GGA3: variants seen among roughly 807,000 people sequenced by gnomAD.
GGA3 encodes ADP-ribosylation factor-binding protein GGA3.
A neutral mutation model predicts 77.5 loss-of-function variants in GGA3; 57 were observed. The observed-to-expected ratio is 0.74, with a 90% CI of 0.59 to 0.92. GGA3 has a LOEUF of 0.92. Ranked by LOEUF, GGA3 falls within the 40% of genes least tolerant of loss-of-function variation. The probability of loss-of-function intolerance (pLI) is 0.00; values close to 1 mark genes in which losing one functional copy is unlikely to be tolerated. For missense variants in GGA3, 970 were observed against 914.9 expected (o/e 1.06, Z -0.78); for synonymous variants, 416 against 383.7 (o/e 1.08, Z -0.98).
intron 3 of GGA3, 34 bp from the exon 4 acceptor site, chr17:75,244,751 G>A (rs960100085): frequency 6.8e-7 from 1 of 1,470,276 alleles, no homozygotes. Flanking sequence ...GCTCAGTGAG[G>A]GCGTGCTCGG....
In GGA3 at chr17:75,239,476, G is replaced by A. The variant is rs746550253; in HGVS notation, c.1679C>T (p.Pro560Leu). 18 of 1,579,258 alleles carry A rather than the reference G, an allele frequency of 1.1e-5. No homozygotes were observed. Among genetic ancestry groups the A allele is most frequent in the Middle Eastern group, 1.7e-4 (1 of 5,934 alleles). The change falls in exon 14 of 17, where the codon CCG becomes CTG. Residue 560 changes from proline to leucine, a missense_variant. Pro to Leu is a moderately conservative substitution (Grantham distance 98, BLOSUM62 -3). Transcript: ENST00000537686. ...CTGGAAACTCAGTGGCTGGAAGAGC[G>A]GGCTGCCGGGCCCCGTGGAGAAGGG... is the stretch of plus-strand genomic sequence containing the variant. Reference protein sequence around the residue: ...LLPFSTGPGSPLFQPLSFQSQ... With the variant: ...LLPFSTGPGSLLFQPLSFQSQ...
chr17:75,248,986 C>T lies in GGA3; in HGVS notation c.41-2190G>A, dbSNP rs1363655129. On this transcript the variant is annotated intron_variant, in intron 1 of 16. Coordinates refer to ENST00000537686, the MANE Select transcript of GGA3 (RefSeq NM_138619.4). ...TGCTTCCCAGGTCGGGGCTCGGCCT[C>T]CCCGGCAGTGTTTCTGTTGTGGCTG... The T allele has an allele frequency of 5.1e-6, 5 of 985,130 alleles. No individual in the cohort carries two copies. The African/African-American group carries it at 8.7e-5, about 17-fold the overall frequency. 61.0% of individuals were successfully genotyped at this position (985,130 alleles called of 1,614,324 possible). A position where few individuals can be genotyped will look rare whatever the true frequency, so the allele number is the denominator to read the frequency against.
In GGA3 at chr17:75,246,760, C is replaced by G. The variant is rs1290420133; in HGVS notation, c.77G>C (p.Trp26Ser). ...ATNPSNRQED[W>S]EYIIGFCDQI... ...ATCACAGAAGCCAATTATGTATTCC[C>G]AGTCCTCCTGGCGGTTGGAAGGATT... Residue 26 changes from tryptophan to serine, a missense_variant, in exon 2 of 17, where the codon TGG (tryptophan) becomes TCG (serine). By Grantham distance (177) the Trp-to-Ser change is radical. Coordinates refer to ENST00000537686, the MANE Select transcript of GGA3 (RefSeq NM_138619.4). The G allele has an allele frequency of 1.9e-6, 3 of 1,613,706 alleles. No homozygotes were observed. The highest frequency in any genetic ancestry group is 2.5e-6 in the Non-Finnish European group (3 of 1,179,980).
At chr17:75,249,996 C>T (rs890300072) in intron 1 of GGA3, among the ~76,000 whole-genome samples, 2 of 152,176 alleles carry the variant, frequency 1.3e-5, no homozygotes, top group Non-Finnish European at 2.9e-5. Context: ...CTCACGGGCA[C>T]AAAAAGCCCT....
At chr17:75,242,296 C>T (rs763973390) in intron 8 of GGA3, 40 bp downstream of exon 8, 20 of 1,611,238 alleles carry the variant, frequency 1.2e-5, no homozygotes, top group Admixed American at 1.0e-4. Flanking sequence ...TGAAGGGCAG[C>T]GCAGCCCCGG....
intron 13 of GGA3, 87 bp from the exon 14 acceptor site, chr17:75,239,658 C>T: frequency 1.4e-6 from 2 of 1,444,910 alleles, no homozygotes; most frequent in Non-Finnish European, 1.9e-6. Context: ...ATGCTCTTAC[C>T]CAGGCCCACC....
At chr17:75,246,680 C>T in intron 2 of GGA3, 32 bp downstream of exon 2, 2 of 1,599,364 alleles carry the variant, frequency 1.3e-6, no homozygotes, top group Non-Finnish European at 1.7e-6. Flanking sequence ...AGTCCGCTCC[C>T]TCTCAGCTGC....
Position 75,252,359 on chromosome 17 carries a change from G to A in GGA3, c.41-5563C>T, listed in dbSNP as rs529210859. Among the ~76,000 whole-genome samples, 69 of 152,196 alleles carry A rather than the reference G, an allele frequency of 4.5e-4. 1 individual carries two copies. The highest frequency in any genetic ancestry group is 1.6e-3 in the African/African-American group (67 of 41,534). Reference sequence around the variant, plus strand: ...CCCACCTCAGCCTCCTGAGTAGCTGGGACCACAGGAATGAGCCACTGCATG... The same window carrying A: ...CCCACCTCAGCCTCCTGAGTAGCTGAGACCACAGGAATGAGCCACTGCATG... On this transcript the variant is annotated intron_variant, in intron 1 of 16. Transcript: ENST00000537686.
chr17:75,256,809 C>A (rs1017009140), intron 1 of GGA3, among the ~76,000 whole-genome samples: 1 of 152,110 alleles, frequency 6.6e-6, no homozygotes, highest in African/African-American at 2.4e-5. Flanking sequence ...TCAACATGCC[C>A]CGAGTCAGAT....
intron 1 of GGA3, among the ~76,000 whole-genome samples, chr17:75,253,438 C>G (rs1052278468): frequency 1.3e-5 from 2 of 152,184 alleles, no homozygotes; most frequent in South Asian, 2.1e-4. Context: ...TATTCACTCA[C>G]GTTTCAAAGG....
intron 5 of GGA3, 115 bp downstream of exon 5, chr17:75,243,332 G>T: frequency 7.3e-7 from 1 of 1,366,816 alleles, no homozygotes; most frequent in Non-Finnish European, 1.0e-6. Flanking sequence ...CCTTGCCTGG[G>T]GACAAATGCT....
At position 75,237,002 on chromosome 17, in the gene GGA3, T is replaced by TC. The variant is rs1568103363; in HGVS notation, c.*1276dup. On this transcript the variant is annotated 3_prime_UTR_variant, in exon 17 of 17. Coordinates refer to ENST00000537686, the MANE Select transcript of GGA3 (RefSeq NM_138619.4). Reference sequence around the variant, plus strand: ...GAACATGGTCTGTGCCACCTTCCTTTCCCCAGAGATGTCCGATTGCTGAGC... The same window carrying TC: ...GAACATGGTCTGTGCCACCTTCCTTTCCCCCAGAGATGTCCGATTGCTGAGC... 1 of 184,152 alleles carries TC rather than the reference T, an allele frequency of 5.4e-6. No homozygotes were observed. The highest frequency in any genetic ancestry group is 1.2e-5 in the Non-Finnish European group (1 of 86,084). 11.4% of individuals were successfully genotyped at this position (184,152 alleles called of 1,614,324 possible). A position where few individuals can be genotyped will look rare whatever the true frequency, so the allele number is the denominator to read the frequency against.
intron 1 of GGA3, among the ~76,000 whole-genome samples, chr17:75,259,963 C>A (rs1318306420): frequency 6.6e-6 from 1 of 152,100 alleles, no homozygotes; most frequent in African/African-American, 2.4e-5. Flanking sequence ...TCCTGGGCAA[C>A]ACAGCAAGAC....
Position 75,238,085 on chromosome 17 carries a change from C to T in GGA3, c.*194G>A. The T allele has an allele frequency of 7.2e-7, 1 of 1,392,822 alleles. No individual in the cohort carries two copies. Among genetic ancestry groups the T allele is most frequent in the Non-Finnish European group, 9.3e-7 (1 of 1,077,068 alleles). The allele number at this position is 1,392,822 out of a possible 1,614,324, so 86.3% of individuals were successfully genotyped here. A position where few individuals can be genotyped will look rare whatever the true frequency, so the allele number is the denominator to read the frequency against. ...TTCAAGTCACACAGGTAGATAAAAA[C>T]AGGTCCTTTTAGGGGCCAAAGGAGA... On this transcript the variant is annotated 3_prime_UTR_variant, in exon 17 of 17. Transcript: ENST00000537686.
Position 75,238,311 on chromosome 17 carries a change from A to G in GGA3, c.2140T>C (p.Phe714Leu). 6.2e-7 allele frequency: 1 copy of G among 1,613,660 alleles called. No homozygotes were observed. Among genetic ancestry groups the G allele is most frequent in the Non-Finnish European group, 8.5e-7 (1 of 1,179,848 alleles). The change falls in exon 17 of 17, where the codon TTC becomes CTC. Residue 714 changes from phenylalanine to leucine, a missense_variant. By Grantham distance (22) the Phe-to-Leu change is conservative. Coordinates refer to ENST00000537686, the MANE Select transcript of GGA3 (RefSeq NM_138619.4). ...LSTEVGEVDQ[F>L]PPVEQWGNL ...TTCCCCCACTGTTCCACAGGAGGGAACTGGTCCACCTCGCCCACCTCTGTG... is the reference window on the plus strand; with the variant it reads ...TTCCCCCACTGTTCCACAGGAGGGAGCTGGTCCACCTCGCCCACCTCTGTG...
In GGA3 at chr17:75,240,535, G is replaced by A. The variant is rs2076510916; in HGVS notation, c.1193-123C>T. On this transcript the variant is annotated intron_variant, in intron 11 of 16. Transcript: ENST00000537686. Reference sequence around the variant, plus strand: ...ATGGGTGAAGGCGCCGGGAGAAGCTGTTCTGCAGGCAGCCTCCAGAGGGGA... The same window carrying A: ...ATGGGTGAAGGCGCCGGGAGAAGCTATTCTGCAGGCAGCCTCCAGAGGGGA... The A allele has an allele frequency of 1.0e-5, 7 of 697,948 alleles. No homozygotes were observed. In the Admixed American group the frequency reaches 1.5e-4, roughly 15 times the overall value. 43.2% of individuals were successfully genotyped at this position (697,948 alleles called of 1,614,324 possible).
chr17:75,240,373 G>T lies in GGA3; in HGVS notation c.1232C>A (p.Ser411Ter). ...DPAPNVPPKE[S>*]AGNSQWHLLQ... is the part of the protein sequence containing the mutation. ...CAGGTGCCACTGGCTGTTCCCAGCT[G>T]ACTCTTTGGGAGGAACATTAGGGGC... Residue 411 changes from serine to a stop codon, truncating the protein, a stop_gained, in exon 12 of 17, where the codon TCA becomes TAA. Coordinates refer to ENST00000537686, the MANE Select transcript of GGA3 (RefSeq NM_138619.4). LOFTEE classifies it high-confidence loss of function. The T allele has an allele frequency of 6.2e-6, 10 of 1,600,424 alleles. No individual in the cohort carries two copies. The highest frequency in any genetic ancestry group is 8.5e-6 in the Non-Finnish European group (10 of 1,174,378).
chr17:75,246,356 A>G (rs1046510774), intron 3 of GGA3, among the ~76,000 whole-genome samples, 153 bp downstream of exon 3: 9 of 152,254 alleles, frequency 5.9e-5, no homozygotes, highest in African/African-American at 2.2e-4. Flanking sequence ...TTTGTGGAAC[A>G]GCTGGCTGAA....
chr17:75,239,639 C>T (rs912064217), intron 13 of GGA3, 68 bp from the exon 14 acceptor site: 7 of 1,456,854 alleles, frequency 4.8e-6, no homozygotes, highest in African/African-American at 1.4e-5. Flanking sequence ...TCACCCAAGG[C>T]CCCTGACCAT....
Sources: gnomAD v4.1 joint callset for allele counts (sites outside exome capture counted in the v4.1 genomes callset) on GRCh38, gnomAD v4.1.1 for gene constraint, MANE v1.5 for transcripts, NCBI Gene and HGNC (gene_info 2026-07-23, HGNC 2026-07-21) for gene names.